Variants in TMEM260 observed in about 807,000 individuals in gnomAD.
TMEM260 encodes the protein transmembrane protein 260, also known as protein O-mannosyl-transferase TMEM260.
In TMEM260, 82 loss-of-function variants were observed where a neutral mutation model predicts 88.9. The ratio of observed to expected loss-of-function variants is 0.92; its 90% confidence interval spans 0.77 to 1.11. The LOEUF is 1.11. TMEM260 is among the 50% of genes least tolerant of loss of function. The pLI, the probability that TMEM260 is intolerant of heterozygous loss-of-function variation, is 0.00. For synonymous variants in TMEM260, 314 were observed against 309.3 expected, an observed-to-expected ratio of 1.02 and a Z score of -0.16; for missense variants, 902 against 853.4, an observed-to-expected ratio of 1.06 and a Z score of -0.71.
chr14:56,647,923 A>AG lies in TMEM260; in HGVS notation c.*426_*427insG, dbSNP rs1890069021. On this transcript the variant is annotated 3_prime_UTR_variant, in exon 16 of 16. Coordinates refer to ENST00000261556, the MANE Select transcript of TMEM260 (RefSeq NM_017799.4). ...ACCAAAGACATTTTCTGTTTCCTGG[A>AG]AAAAAAAAATGAATCATGTTAGGCT... 1 of 51,346 alleles carries AG rather than the reference A, an allele frequency of 1.9e-5. No individual in the cohort carries two copies. 3.2% of individuals were successfully genotyped at this position (51,346 alleles called of 1,614,324 possible). A position where few individuals can be genotyped will look rare whatever the true frequency, so the allele number is the denominator to read the frequency against.
rs1319774208 is a variant in TMEM260 at position 56,638,406 on chromosome 14, A to G, written c.1869+1808A>G. The G allele has an allele frequency of 8.5e-5, 13 of 152,138 alleles. 1 individual carries two copies. Among genetic ancestry groups the G allele is most frequent in the Admixed American group, 5.2e-4 (8 of 15,280 alleles). 9.4% of individuals were successfully genotyped at this position (152,138 alleles called of 1,614,324 possible). A position where few individuals can be genotyped will look rare whatever the true frequency, so the allele number is the denominator to read the frequency against. On this transcript the variant is annotated intron_variant, in intron 15 of 15. Coordinates refer to ENST00000261556, the MANE Select transcript of TMEM260 (RefSeq NM_017799.4). Reference sequence around the variant, plus strand: ...TTTATCTCTAATACCTTGTAATTCTATGAAAAACAAGTAGTATTTAGTTGG... The same window carrying G: ...TTTATCTCTAATACCTTGTAATTCTGTGAAAAACAAGTAGTATTTAGTTGG...
chr14:56,653,318 T>G (rs546825786), downstream of TMEM260, among the ~76,000 whole-genome samples: 11 of 152,344 alleles, frequency 7.2e-5, no homozygotes, highest in East Asian at 1.9e-3. Context: ...CATGTGTGTA[T>G]AACATATATG....
chr14:56,591,164 A>G (rs1885832085), intron 3 of TMEM260, among the ~76,000 whole-genome samples: 1 of 152,242 alleles, frequency 6.6e-6, no homozygotes, highest in African/African-American at 2.4e-5. Context: ...AGATTTTGCC[A>G]CTGGAACTAG....
chr14:56,617,613 A>G (rs557209546), intron 9 of TMEM260, among the ~76,000 whole-genome samples: 2 of 152,330 alleles, frequency 1.3e-5, no homozygotes, highest in East Asian at 3.9e-4. Flanking sequence ...CAAAAGAAAT[A>G]TGAATTGTAA....
chr14:56,594,939 T>G (rs1214060897), intron 3 of TMEM260, among the ~76,000 whole-genome samples: 2 of 152,204 alleles, frequency 1.3e-5, no homozygotes, highest in African/African-American at 4.8e-5. Context: ...TGTCTCCTGA[T>G]TAGAGTTATT....
At chr14:56,615,142 A>T (rs183188754) in intron 7 of TMEM260, among the ~76,000 whole-genome samples, 165 of 152,276 alleles carry the variant, frequency 1.1e-3, no homozygotes, top group Non-Finnish European at 2.1e-3. Context: ...ATATCTTCTC[A>T]TAGTAGATGA....
chr14:56,646,207 A>ATATT (rs1241442709), intron 15 of TMEM260, among the ~76,000 whole-genome samples: 11 of 152,382 alleles, frequency 7.2e-5, no homozygotes, highest in African/African-American at 2.6e-4. Context: ...GAATTGTGGA[A>ATATT]TATTTCATGA....
At chr14:56,617,421 T>A (rs1887657197) in intron 9 of TMEM260, 124 bp downstream of exon 9, 2 of 612,942 alleles carry the variant, frequency 3.3e-6, no homozygotes, top group Admixed American at 6.9e-5. Flanking sequence ...TATACATTTT[T>A]ATAAATCAAA....
At chr14:56,613,523 A>G (rs2139578425) in intron 7 of TMEM260, 1 of 152,296 alleles carries the variant, frequency 6.6e-6, no homozygotes, top group East Asian at 1.9e-4. Context: ...ATATTTTTCT[A>G]ATATTTTTAA....
At chr14:56,596,370 A>G (rs1422491517) in intron 3 of TMEM260, among the ~76,000 whole-genome samples, 1 of 111,532 alleles carries the variant, frequency 9.0e-6, no homozygotes, top group Non-Finnish European at 1.9e-5. Context: ...ACACACACAT[A>G]TATATGTGAG....
intron 3 of TMEM260, among the ~76,000 whole-genome samples, chr14:56,602,362 C>G (rs1429791092): frequency 6.6e-6 from 1 of 151,996 alleles, no homozygotes; most frequent in Middle Eastern, 3.2e-3. Flanking sequence ...TTTTGATGAG[C>G]CTGACTAATT....
downstream of TMEM260, among the ~76,000 whole-genome samples, chr14:56,649,749 C>T (rs10136689): frequency 0.041 from 6,211 of 152,210 alleles, 206 homozygotes; most frequent in Middle Eastern, 0.13. Context: ...TGTGTCTGTA[C>T]TATAGAGATA....
rs200631835 is a variant in TMEM260 at position 56,605,606 on chromosome 14, T to A, written c.559T>A (p.Leu187Ile). 6.3e-7 allele frequency: 1 copy of A among 1,581,736 alleles called. No homozygotes were observed. Among genetic ancestry groups the A allele is most frequent in the Non-Finnish European group, 8.6e-7 (1 of 1,166,520 alleles). ...TGGTGCTTTCTGCTGTGGCCTTAGTTTATGTAACCAGCACACAATAATACT... is the reference window on the plus strand; with the variant it reads ...TGGTGCTTTCTGCTGTGGCCTTAGTATATGTAACCAGCACACAATAATACT... The part of the protein sequence containing the change: ...KIGAFCCGLS[L>I]CNQHTIILYV... Residue 187 changes from leucine (L) to isoleucine (I), a missense_variant, in exon 5 of 16, where the codon TTA (leucine) becomes ATA (isoleucine). Leu to Ile is a conservative substitution (Grantham distance 5, BLOSUM62 2). Transcript: ENST00000261556.
intron 3 of TMEM260, among the ~76,000 whole-genome samples, chr14:56,599,745 A>G (rs1886455375): frequency 6.6e-6 from 1 of 152,212 alleles, no homozygotes; most frequent in African/African-American, 2.4e-5. Context: ...CCTGATTTGG[A>G]AGACTTAGCT....
intron 5 of TMEM260, among the ~76,000 whole-genome samples, 164 bp downstream of exon 5, chr14:56,605,847 A>G (rs1336882718): frequency 1.3e-5 from 2 of 152,236 alleles, no homozygotes; most frequent in African/African-American, 2.4e-5. Flanking sequence ...AGGATTTACA[A>G]AAATTATGCA....
At chr14:56,647,056 C>T (rs2139662266) in intron 15 of TMEM260, among the ~76,000 whole-genome samples, 187 bp from the exon 16 acceptor site, 1 of 152,162 alleles carries the variant, frequency 6.6e-6, no homozygotes, top group Non-Finnish European at 1.5e-5. Flanking sequence ...GCATATTTGC[C>T]TCCTGCTACT....
chr14:56,633,793 T>C (rs1363653851), intron 13 of TMEM260, among the ~76,000 whole-genome samples: 4 of 151,648 alleles, frequency 2.6e-5, no homozygotes, highest in Non-Finnish European at 4.4e-5. Context: ...TTTACTTGAT[T>C]TCACACACAC....
intron 5 of TMEM260, 25 bp from the exon 6 acceptor site, chr14:56,609,081 T>C (rs1887088688): frequency 1.2e-6 from 2 of 1,606,444 alleles, no homozygotes; most frequent in Admixed American, 1.7e-5. Flanking sequence ...AACATTGTTA[T>C]ACCACCCAAT....
At chr14:56,660,666 T>C in the TMEM260 span, among the ~76,000 whole-genome samples, 2 of 152,178 alleles carry the variant, frequency 1.3e-5, no homozygotes, top group African/African-American at 4.8e-5. Context: ...CTAATTCTCA[T>C]AGCAAAAGAC....
Sources: gnomAD v4.1 joint callset for allele counts (sites outside exome capture counted in the v4.1 genomes callset) on GRCh38, gnomAD v4.1.1 for gene constraint, MANE v1.5 for transcripts, NCBI Gene and HGNC (gene_info 2026-07-23, HGNC 2026-07-21) for gene names.